CBX5: variants seen among roughly 807,000 people sequenced by gnomAD.
CBX5 encodes the protein chromobox protein homolog 5.
CBX5 carries 7 observed loss-of-function variants against 20.7 expected under a neutral mutation model. The observed-to-expected ratio is 0.34, with a 90% confidence interval of 0.19 to 0.63. The LOEUF (loss-of-function observed/expected upper bound fraction) is 0.63. Among genes scored for constraint, CBX5 ranks in the 30% least tolerant of loss-of-function variants. The pLI is 0.75. For missense variants in CBX5, 110 were observed against 224.1 expected (o/e 0.49, Z 3.25); for synonymous variants, 78 against 77.0 (o/e 1.01, Z -0.07).
intron 3 of CBX5, among the ~76,000 whole-genome samples, chr12:54,248,904 T>C (rs1036100450): frequency 2.6e-5 from 4 of 152,208 alleles, no homozygotes; most frequent in African/African-American, 9.6e-5. Context: ...GCTGTCTACC[T>C]GACAGCAGCC....
At chr12:54,278,217 C>T (rs1192965880) in intron 1 of CBX5, among the ~76,000 whole-genome samples, 2 of 152,192 alleles carry the variant, frequency 1.3e-5, no homozygotes, top group African/African-American at 2.4e-5. Flanking sequence ...CGAGCACCCT[C>T]AACAAAGAAT....
intron 1 of CBX5, among the ~76,000 whole-genome samples, chr12:54,266,046 TAAAA>T (rs79729825): frequency 9.2e-6 from 1 of 108,346 alleles, no homozygotes; most frequent in African/African-American, 3.5e-5. Flanking sequence ...GACTCTGTCT[TAAAA>T]AAAAAAAAAA....
At chr12:54,269,546 G>T (rs1267495147) in intron 1 of CBX5, among the ~76,000 whole-genome samples, 1 of 151,924 alleles carries the variant, frequency 6.6e-6, no homozygotes, top group Non-Finnish European at 1.5e-5. Context: ...ACACCACCAT[G>T]CCTGGCTCAT....
intron 4 of CBX5, among the ~76,000 whole-genome samples, chr12:54,244,179 T>A (rs974528527): frequency 3.3e-5 from 5 of 150,662 alleles, no homozygotes; most frequent in African/African-American, 1.2e-4. Context: ...TTTTTTTTTT[T>A]ATTTTTAGTA....
rs763189049 is a variant in CBX5 at position 54,249,721 on chromosome 12, G to GAA, written c.324+2318_324+2319dup. ...TGTATTTATGCGCCCACACACAGAT[G>GAA]AAAAGAGAGAGAGGCAATAACAGTG... On this transcript the variant is annotated intron_variant, in intron 3 of 4. Coordinates refer to ENST00000209875, the MANE Select transcript of CBX5 (RefSeq NM_012117.3). Among the ~76,000 whole-genome samples the GAA allele has an allele frequency of 5.8e-4, 89 of 152,234 alleles. No homozygotes were observed. In the Middle Eastern group the frequency reaches 0.01, roughly 17 times the overall value.
chr12:54,243,845 G>A (rs1370137541), intron 4 of CBX5, among the ~76,000 whole-genome samples: 1 of 151,972 alleles, frequency 6.6e-6, no homozygotes, highest in Non-Finnish European at 1.5e-5. Flanking sequence ...CTCCAGCCTG[G>A]GTGATAAAGC....
In CBX5 at chr12:54,235,853, T is replaced by C. The variant is rs1050507112; in HGVS notation, c.*5902A>G. On this transcript the variant is annotated 3_prime_UTR_variant, in exon 5 of 5. Transcript: ENST00000209875. ...AGTGTCCATGAGGAATATGTTGTTA[T>C]AGAACCCACAATAATGTAACACAAC... is the stretch of plus-strand genomic sequence containing the variant. 2 of 152,222 alleles carry C rather than the reference T, an allele frequency of 1.3e-5. No individual in the cohort carries two copies. Among genetic ancestry groups the C allele is most frequent in the Non-Finnish European group, 2.9e-5 (2 of 68,046 alleles). The allele number at this position is 152,222 out of a possible 1,614,324, so 9.4% of individuals were successfully genotyped here.
intron 2 of CBX5, 63 bp from the exon 3 acceptor site, chr12:54,252,290 C>G (rs143871468): frequency 8.6e-7 from 1 of 1,167,966 alleles, no homozygotes; most frequent in African/African-American, 1.6e-5. Flanking sequence ...GGAAAAAAAT[C>G]CAATGCCTTA....
At chr12:54,269,605 T>C (rs1174148247) in intron 1 of CBX5, among the ~76,000 whole-genome samples, 1 of 152,170 alleles carries the variant, frequency 6.6e-6, no homozygotes, top group African/African-American at 2.4e-5. Flanking sequence ...GCCAGGCTGG[T>C]CTTGAACTCC....
At chr12:54,264,899 C>T (rs1448473154) in intron 1 of CBX5, among the ~76,000 whole-genome samples, 1 of 151,504 alleles carries the variant, frequency 6.6e-6, no homozygotes, top group African/African-American at 2.4e-5. Flanking sequence ...ACTGAACTAC[C>T]CACTGAATTA....
chr12:54,245,643 TA>T (rs1943727607), intron 4 of CBX5, among the ~76,000 whole-genome samples: 1 of 151,886 alleles, frequency 6.6e-6, no homozygotes, highest in Non-Finnish European at 1.5e-5. Context: ...AATATAAAAG[TA>T]GCCAGGTATG....
At chr12:54,250,015 G>A (rs1324213958) in intron 3 of CBX5, among the ~76,000 whole-genome samples, 1 of 152,098 alleles carries the variant, frequency 6.6e-6, no homozygotes, top group East Asian at 1.9e-4. Flanking sequence ...CTGAGTTAGG[G>A]AGTTCAAGAC....
At chr12:54,246,510 G>C (rs180898183) in intron 3 of CBX5, among the ~76,000 whole-genome samples, 1 of 152,132 alleles carries the variant, frequency 6.6e-6, no homozygotes, top group African/African-American at 2.4e-5. Context: ...TCAGAGGCAT[G>C]GTGGCTCACG....
Position 54,239,490 on chromosome 12 carries a change from G to A in CBX5, c.*2265C>T, listed in dbSNP as rs1031609313. The A allele has an allele frequency of 1.3e-5, 2 of 152,096 alleles. No homozygotes were observed. The highest frequency in any genetic ancestry group is 2.9e-5 in the Non-Finnish European group (2 of 68,004). 9.4% of individuals were successfully genotyped at this position (152,096 alleles called of 1,614,324 possible). A position where few individuals can be genotyped will look rare whatever the true frequency, so the allele number is the denominator to read the frequency against. ...CCATATCACCTCCTCAGGAGCTCTG[G>A]CCTATTTTTGTCCTATTCTTGTCTA... On this transcript the variant is annotated 3_prime_UTR_variant, in exon 5 of 5. Coordinates refer to ENST00000209875, the MANE Select transcript of CBX5 (RefSeq NM_012117.3).
Position 54,257,807 on chromosome 12 carries a change from G to A in CBX5, c.-42-115C>T, listed in dbSNP as rs1040565926. 2.5e-5 allele frequency: 17 copies of A among 682,712 alleles called. No individual in the cohort carries two copies. The African/African-American group carries it at 2.5e-4, about 10-fold the overall frequency. The allele number at this position is 682,712 out of a possible 1,614,324, so 42.3% of individuals were successfully genotyped here. A position where few individuals can be genotyped will look rare whatever the true frequency, so the allele number is the denominator to read the frequency against. ...GAGTTGCCATGTGCCCTGCTCTTGA[G>A]TCTCAAATCATTCTACAGATGAGTC... On this transcript the variant is annotated intron_variant, in intron 1 of 4. Transcript: ENST00000209875.
chr12:54,257,194 G>A (rs1470353082), intron 2 of CBX5, among the ~76,000 whole-genome samples: 1 of 152,094 alleles, frequency 6.6e-6, no homozygotes, highest in African/African-American at 2.4e-5. Context: ...TCACTGAGGA[G>A]ATAAAATGAT....
chr12:54,240,619 A>C lies in CBX5; in HGVS notation c.*1136T>G, dbSNP rs1943667069. On this transcript the variant is annotated 3_prime_UTR_variant, in exon 5 of 5. Transcript: ENST00000209875. ...ATATTTTGGGGACTCTTGGTGGTAA[A>C]TCCAGGAGCCAAGAATGCAGGAGAC... 1.3e-5 allele frequency: 2 copies of C among 152,296 alleles called. No individual in the cohort carries two copies. Among genetic ancestry groups the C allele is most frequent in the African/African-American group, 4.8e-5 (2 of 41,570 alleles). The allele number at this position is 152,296 out of a possible 1,614,324, so 9.4% of individuals were successfully genotyped here. A position where few individuals can be genotyped will look rare whatever the true frequency, so the allele number is the denominator to read the frequency against.
In CBX5 at chr12:54,234,989, T is replaced by C. The variant is rs1326966813; in HGVS notation, c.*6766A>G. The C allele has an allele frequency of 6.6e-6, 1 of 152,162 alleles. No individual in the cohort carries two copies. Among genetic ancestry groups the C allele is most frequent in the Non-Finnish European group, 1.5e-5 (1 of 68,024 alleles). The allele number at this position is 152,162 out of a possible 1,614,324, so 9.4% of individuals were successfully genotyped here. A position where few individuals can be genotyped will look rare whatever the true frequency, so the allele number is the denominator to read the frequency against. On this transcript the variant is annotated 3_prime_UTR_variant, in exon 5 of 5. Coordinates refer to ENST00000209875, the MANE Select transcript of CBX5 (RefSeq NM_012117.3). The stretch of plus-strand genomic sequence containing the variant: ...CTCTAAAAAGACAAGATGAGGTAGA[T>C]TAAAATCCAAGAAAGTCAGCACAAG...
At chr12:54,271,378 T>C (rs1944008068) in intron 1 of CBX5, among the ~76,000 whole-genome samples, 1 of 152,348 alleles carries the variant, frequency 6.6e-6, no homozygotes, top group Admixed American at 6.5e-5. Flanking sequence ...CAGGCTGGAG[T>C]GCAGTGGCGC....
Sources: gnomAD v4.1 joint callset for allele counts (sites outside exome capture counted in the v4.1 genomes callset) on GRCh38, gnomAD v4.1.1 for gene constraint, MANE v1.5 for transcripts, NCBI Gene and HGNC (gene_info 2026-07-23, HGNC 2026-07-21) for gene names.